EDNRB: variants seen among roughly 807,000 people sequenced by gnomAD.
EDNRB encodes the protein Hirschsprung disease 2.
Under a neutral mutation model 46.4 loss-of-function variants are expected in EDNRB, and 18 were observed. The observed-to-expected ratio is 0.39, with a 90% CI of 0.27 to 0.57. The LOEUF is 0.57. Ranked by LOEUF, EDNRB falls within the 20% of genes least tolerant of loss-of-function variation. The pLI is 0.61. For synonymous variants in EDNRB, 213 were observed against 204.9 expected (o/e 1.04, Z -0.34); for missense variants, 434 against 537.5 (o/e 0.81, Z 1.90).
Position 77,896,716 on chromosome 13 carries a change from G to A in EDNRB, c.*1484C>T, listed in dbSNP as rs1230001018. The A allele has an allele frequency of 1.2e-5, 17 of 1,405,120 alleles. No homozygotes were observed. The highest frequency in any genetic ancestry group is 2.6e-4 in the Middle Eastern group (1 of 3,780). 87.0% of individuals were successfully genotyped at this position (1,405,120 alleles called of 1,614,324 possible). ...TGCATTGATGTGACGAGGCAATGACGAACGTTAGGCTAAGAATGGGAATCT... is the reference window on the plus strand; with the variant it reads ...TGCATTGATGTGACGAGGCAATGACAAACGTTAGGCTAAGAATGGGAATCT... On this transcript the variant is annotated 3_prime_UTR_variant, in exon 7 of 7. Transcript: ENST00000646607.
In EDNRB at chr13:77,918,368, G is replaced by A. The variant is rs1019947807; in HGVS notation, c.206C>T (p.Ala69Val). 2 of 1,609,334 alleles carry A rather than the reference G, an allele frequency of 1.2e-6. No homozygotes were observed. Among genetic ancestry groups the A allele is most frequent in the Non-Finnish European group, 8.5e-7 (1 of 1,176,566 alleles). Residue 69 changes from alanine (A) to valine (V), a missense_variant, in exon 1 of 7, where the codon GCG (alanine) becomes GTG (valine). Ala to Val is a moderately conservative substitution (Grantham distance 64). Transcript: ENST00000646607. This position sits in a 1 kb window ranked among gnomAD's most constrained non-coding sequence, Gnocchi z 4.5. ...NASLARSLAP[A>V]EVPKGDRTAG... ...CGTCCTGTCTCCTTTAGGCACCTCC[G>A]CAGGTGCCAACGACCGCGCCAGACT... is the stretch of plus-strand genomic sequence containing the variant.
upstream of EDNRB, among the ~76,000 whole-genome samples, chr13:77,922,470 T>C (rs2137645804): frequency 6.6e-6 from 1 of 152,298 alleles, no homozygotes; most frequent in South Asian, 2.1e-4. Flanking sequence ...GAATGTGCCC[T>C]CAAAACCTAT....
chr13:77,903,995 G>C (rs1007043283), intron 1 of EDNRB, among the ~76,000 whole-genome samples: 6 of 151,932 alleles, frequency 3.9e-5, no homozygotes, highest in Admixed American at 3.9e-4. Flanking sequence ...ATGATAAACA[G>C]TCCTTAGCTG....
At chr13:77,955,895 A>ATCTATCTATCTC (rs1409086800) in intron 1 of EDNRB, among the ~76,000 whole-genome samples, 3 of 146,696 alleles carry the variant, frequency 2.0e-5, no homozygotes, top group African/African-American at 7.6e-5. Flanking sequence ...CTATCTATCT[A>ATCTATCTATCTC]TTTTTATGCC....
At chr13:77,961,267 T>C (rs1041938009) in intron 1 of EDNRB, among the ~76,000 whole-genome samples, 1 of 149,340 alleles carries the variant, frequency 6.7e-6, no homozygotes, top group African/African-American at 2.5e-5. Flanking sequence ...GTCGCACTTA[T>C]TCCAAACTTA....
At chr13:77,898,377 C>A in intron 6 of EDNRB, 43 bp from the exon 7 acceptor site, 1 of 1,608,724 alleles carries the variant, frequency 6.2e-7, no homozygotes, top group Non-Finnish European at 8.5e-7. Flanking sequence ...ACATCAGTCA[C>A]CTTTCCCAAC....
At chr13:77,931,770 A>C (rs973742703) in intron 1 of EDNRB, among the ~76,000 whole-genome samples, 14 of 142,680 alleles carry the variant, frequency 9.8e-5, no homozygotes, top group East Asian at 2.7e-4. Flanking sequence ...ACAAAAAAAA[A>C]AAAACAAAAA....
At chr13:77,936,139 A>G (rs898504230) in intron 1 of EDNRB, among the ~76,000 whole-genome samples, 22 of 152,062 alleles carry the variant, frequency 1.4e-4, no homozygotes, top group Non-Finnish European at 4.4e-5. Context: ...ATCAGTCGCT[A>G]AGGAGGGAGT....
chr13:77,964,871 C>G (rs1255021025), intron 1 of EDNRB, among the ~76,000 whole-genome samples: 1 of 151,726 alleles, frequency 6.6e-6, no homozygotes, highest in African/African-American at 2.4e-5. Context: ...ATTTTTGGCT[C>G]CTGCATTTGC....
In EDNRB at chr13:77,896,720, G is replaced by A. The variant is rs118007881; in HGVS notation, c.*1480C>T. ...TTGATGTGACGAGGCAATGACGAAC[G>A]TTAGGCTAAGAATGGGAATCTGTCC... On this transcript the variant is annotated 3_prime_UTR_variant, in exon 7 of 7. Transcript: ENST00000646607. 8 of 1,397,872 alleles carry A rather than the reference G, an allele frequency of 5.7e-6. No individual in the cohort carries two copies. The highest frequency in any genetic ancestry group is 5.5e-5 in the East Asian group (2 of 36,136). 86.6% of individuals were successfully genotyped at this position (1,397,872 alleles called of 1,614,324 possible). A position where few individuals can be genotyped will look rare whatever the true frequency, so the allele number is the denominator to read the frequency against.
intron 1 of EDNRB, among the ~76,000 whole-genome samples, chr13:77,934,813 A>G (rs1030498906): frequency 6.6e-6 from 1 of 152,124 alleles, no homozygotes; most frequent in Non-Finnish European, 1.5e-5. Context: ...GGTGGCTTGT[A>G]CTATAGCATA....
intron 1 of EDNRB, among the ~76,000 whole-genome samples, chr13:77,971,785 G>A (rs1339394333): frequency 2.0e-5 from 3 of 152,166 alleles, no homozygotes; most frequent in African/African-American, 7.2e-5. Flanking sequence ...AGAGTTGAAA[G>A]ATCCATAGGG....
At chr13:77,935,273 G>A (rs960212287) in intron 1 of EDNRB, among the ~76,000 whole-genome samples, 21 of 152,196 alleles carry the variant, frequency 1.4e-4, no homozygotes, top group African/African-American at 4.1e-4. Flanking sequence ...GCTACAGGGC[G>A]CAGTCCCAGT....
intron 1 of EDNRB, among the ~76,000 whole-genome samples, chr13:77,938,612 A>G (rs967881652): frequency 5.3e-5 from 8 of 152,230 alleles, no homozygotes; most frequent in African/African-American, 9.7e-5. Flanking sequence ...CATCCCTGCA[A>G]TGATTAAACA....
At chr13:77,945,433 C>T (rs1323504589) in intron 1 of EDNRB, among the ~76,000 whole-genome samples, 1 of 152,124 alleles carries the variant, frequency 6.6e-6, no homozygotes, top group Admixed American at 6.6e-5. Context: ...ATTCTTACAA[C>T]AAGAAAATGT....
intron 1 of EDNRB, among the ~76,000 whole-genome samples, chr13:77,909,208 T>C (rs1303460188): frequency 6.6e-6 from 1 of 152,068 alleles, no homozygotes; most frequent in Non-Finnish European, 1.5e-5. Context: ...TTGGAACAGC[T>C]GCTTGAGAAA....
At chr13:77,907,268 A>G (rs765210047) in intron 1 of EDNRB, among the ~76,000 whole-genome samples, 13 of 151,946 alleles carry the variant, frequency 8.6e-5, no homozygotes, top group South Asian at 2.1e-4. Flanking sequence ...CCATTATCCA[A>G]TCTCTTGAGG....
intron 1 of EDNRB, among the ~76,000 whole-genome samples, chr13:77,964,544 C>T (rs956319283): frequency 4.2e-5 from 6 of 141,238 alleles, no homozygotes; most frequent in Admixed American, 7.0e-5. Flanking sequence ...AACCAAACAC[C>T]GCATGTTCTC....
At chr13:77,936,366 G>A (rs886392630) in intron 1 of EDNRB, among the ~76,000 whole-genome samples, 4 of 152,158 alleles carry the variant, frequency 2.6e-5, no homozygotes, top group African/African-American at 9.7e-5. Flanking sequence ...GTCTAAGTTG[G>A]CACCAGAGTT....
Sources: gnomAD v4.1 joint callset for allele counts (sites outside exome capture counted in the v4.1 genomes callset) on GRCh38, gnomAD v4.1.1 for gene constraint, Gnocchi (gnomAD v3.1) non-coding constraint, MANE v1.5 for transcripts, NCBI Gene and HGNC (gene_info 2026-07-23, HGNC 2026-07-21) for gene names.